ADAMTS18: variants seen among roughly 807,000 people sequenced by gnomAD.
ADAMTS18 encodes the protein ADAM metallopeptidase with thrombospondin type 1 motif 18, also known as A disintegrin and metalloproteinase with thrombospondin motifs 18.
In ADAMTS18, 157 loss-of-function variants were observed where a neutral mutation model predicts 165.9. That is an observed-to-expected ratio of 0.95 (90% CI 0.83 to 1.08). The LOEUF is 1.08. ADAMTS18 is among the 50% of genes least tolerant of loss of function. The pLI, the probability that ADAMTS18 is intolerant of heterozygous loss-of-function variation, is 0.00. For synonymous variants in ADAMTS18, 782 were observed against 578.2 expected, an observed-to-expected ratio of 1.35 and a Z score of -5.06; for missense variants, 2,040 against 1,534.0, an observed-to-expected ratio of 1.33 and a Z score of -5.51.
chr16:77,325,767 A>G (rs2056083537), intron 13 of ADAMTS18, 99 bp downstream of exon 13: 4 of 1,282,408 alleles, frequency 3.1e-6, no homozygotes, highest in Non-Finnish European at 4.4e-6. Flanking sequence ...AAAGGTAAAC[A>G]TTCAAACTCT....
chr16:77,322,341 A>T lies in ADAMTS18; in HGVS notation c.2158T>A (p.Cys720Ser), dbSNP rs2056015899. Residue 720 changes from cysteine to serine, a missense_variant, in exon 14 of 23, where the codon TGT becomes AGT. Physicochemically the swap from Cys to Ser is moderately radical, Grantham distance 112. Coordinates refer to ENST00000282849, the MANE Select transcript of ADAMTS18 (RefSeq NM_199355.4). ...NKNDVCIDGV[C>S]ELVGCDHELG... ...AAGCAGAAACGTTCTCTTACTTCAC[A>T]AACCCCGTCAATACAAACATCATTT... is the stretch of plus-strand genomic sequence containing the variant. 3 of 1,613,802 alleles carry T rather than the reference A, an allele frequency of 1.9e-6. No homozygotes were observed. Among genetic ancestry groups the T allele is most frequent in the African/African-American group, 2.7e-5 (2 of 74,882 alleles).
At chr16:77,404,385 A>T (rs554584106) in intron 3 of ADAMTS18, among the ~76,000 whole-genome samples, 66 of 152,202 alleles carry the variant, frequency 4.3e-4, no homozygotes, top group Non-Finnish European at 7.5e-4. Context: ...TTGAGTGCAA[A>T]CCTCAATTCC....
intron 11 of ADAMTS18, among the ~76,000 whole-genome samples, chr16:77,339,938 C>G (rs1291984843): frequency 6.6e-6 from 1 of 152,126 alleles, no homozygotes; most frequent in Non-Finnish European, 1.5e-5. Flanking sequence ...TGATGTTGGC[C>G]TCTCTCTGAA....
intron 16 of ADAMTS18, among the ~76,000 whole-genome samples, chr16:77,313,597 A>G (rs924455190): frequency 2.0e-5 from 3 of 152,088 alleles, no homozygotes; most frequent in African/African-American, 2.4e-5. Context: ...GTTGCTTGTC[A>G]TGAAGCGGTA....
chr16:77,353,693 C>G, intron 10 of ADAMTS18, 40 bp downstream of exon 10: 1 of 1,613,900 alleles, frequency 6.2e-7, no homozygotes, highest in Non-Finnish European at 8.5e-7. Context: ...AGACACATTG[C>G]AGAGTCTTAA....
At position 77,431,562 on chromosome 16, in the gene ADAMTS18, A is replaced by G. The variant is rs2057741146; in HGVS notation, c.228T>C (p.Ile76=). Residue 76 remains isoleucine, a synonymous_variant, in exon 3 of 23, where the codon ATT becomes ATC. Coordinates refer to ENST00000282849, the MANE Select transcript of ADAMTS18 (RefSeq NM_199355.4). The part of the protein sequence containing the change: ...PVEVDSAGSY[I]SHDILHNGRK... The stretch of plus-strand genomic sequence containing the variant: ...TGCCGTTGTGCAAAATGTCGTGTGA[A>G]ATATATGACCCGGCTGAGTCTACTT... 6.2e-7 allele frequency: 1 copy of G among 1,614,166 alleles called. No homozygotes were observed. The highest frequency in any genetic ancestry group is 1.7e-5 in the Admixed American group (1 of 60,018).
At chr16:77,418,214 C>CA (rs1219201537) in intron 3 of ADAMTS18, among the ~76,000 whole-genome samples, 4 of 152,310 alleles carry the variant, frequency 2.6e-5, no homozygotes, top group Admixed American at 2.0e-4. Flanking sequence ...TACATAGTCT[C>CA]AGCAGCTAAG....
intron 10 of ADAMTS18, among the ~76,000 whole-genome samples, chr16:77,347,017 A>T (rs1049445295): frequency 6.6e-6 from 1 of 152,172 alleles, no homozygotes; most frequent in African/African-American, 2.4e-5. Context: ...CCAATAGGTG[A>T]GTGTTGCCTA....
intron 12 of ADAMTS18, among the ~76,000 whole-genome samples, chr16:77,327,346 C>A (rs2056113012): frequency 6.6e-6 from 1 of 152,176 alleles, no homozygotes. Context: ...TACCCTTTCC[C>A]TTGAGTTCCC....
At position 77,322,433 on chromosome 16, in the gene ADAMTS18, T is replaced by C. The variant is rs1190917031; in HGVS notation, c.2066A>G (p.Glu689Gly). ...CATTGCAAAAAAAAATTCAAAGTTCTCAGCCTTGCAGTACAGTTTGCATCG... is the reference window on the plus strand; with the variant it reads ...CATTGCAAAAAAAAATTCAAAGTTCCCAGCCTTGCAGTACAGTTTGCATCG... Reference protein sequence around the residue: ...EDRCKLYCKAENFEFFFAMSG... With the variant: ...EDRCKLYCKAGNFEFFFAMSG... The change falls in exon 14 of 23, where the codon GAG becomes GGG. Residue 689 changes from glutamate to glycine, a missense_variant. By Grantham distance (98) the Glu-to-Gly change is moderately conservative (BLOSUM62 -2). Transcript: ENST00000282849. The C allele has an allele frequency of 1.9e-6, 3 of 1,614,062 alleles. No homozygotes were observed. Among genetic ancestry groups the C allele is most frequent in the Non-Finnish European group, 2.5e-6 (3 of 1,179,958 alleles).
At chr16:77,378,750 A>G (rs1321655652) in intron 3 of ADAMTS18, 1 of 152,098 alleles carries the variant, frequency 6.6e-6, no homozygotes, top group Non-Finnish European at 1.5e-5. Context: ...TAAAAGTGCT[A>G]AAAATAGTGC....
intron 3 of ADAMTS18, among the ~76,000 whole-genome samples, chr16:77,373,995 G>T (rs1414902703): frequency 6.6e-6 from 1 of 152,130 alleles, no homozygotes; most frequent in Admixed American, 6.5e-5. Context: ...AAGGAGTGCA[G>T]ATCACGTGAG....
intron 20 of ADAMTS18, among the ~76,000 whole-genome samples, chr16:77,292,734 G>A (rs754878869): frequency 6.6e-6 from 1 of 152,208 alleles, no homozygotes; most frequent in Admixed American, 6.5e-5. Context: ...GGAAGTAGCA[G>A]GCATTTGGTA....
chr16:77,348,852 C>T (rs2056514657), intron 10 of ADAMTS18, among the ~76,000 whole-genome samples: 1 of 152,086 alleles, frequency 6.6e-6, no homozygotes, highest in African/African-American at 2.4e-5. Flanking sequence ...AAGGAGGTAA[C>T]ACTTGAATTG....
chr16:77,411,958 G>A (rs898907546), intron 3 of ADAMTS18, among the ~76,000 whole-genome samples: 2 of 151,918 alleles, frequency 1.3e-5, no homozygotes, highest in African/African-American at 2.4e-5. Context: ...AAAGCACTGG[G>A]ATTACAGGCA....
Position 77,328,646 on chromosome 16 carries a change from T to C in ADAMTS18, c.1860-2608A>G, listed in dbSNP as rs191901697. Among the ~76,000 whole-genome samples the C allele has an allele frequency of 3.2e-3, 487 of 152,340 alleles. 2 individuals are homozygous for C. Among genetic ancestry groups the C allele is most frequent in the South Asian group, 9.5e-3 (46 of 4,824 alleles). ...AGCACTTAGAAAAATCTTTAAGTGC[T>C]ATATCATAGCCTCAATATTCCGGTC... On this transcript the variant is annotated intron_variant, in intron 12 of 22. Transcript: ENST00000282849.
chr16:77,396,378 C>T (rs575953813), intron 3 of ADAMTS18, among the ~76,000 whole-genome samples: 1 of 152,180 alleles, frequency 6.6e-6, no homozygotes, highest in Non-Finnish European at 1.5e-5. Context: ...TAAAACAGAT[C>T]ACAGCCTTTC....
intron 16 of ADAMTS18, among the ~76,000 whole-genome samples, chr16:77,314,894 C>T (rs1264599150): frequency 2.0e-5 from 3 of 147,462 alleles, no homozygotes; most frequent in Non-Finnish European, 1.5e-5. Context: ...CTCATCATGG[C>T]CCTAATAATT....
intron 22 of ADAMTS18, among the ~76,000 whole-genome samples, chr16:77,285,657 A>C (rs1487280071): frequency 6.6e-6 from 1 of 152,218 alleles, no homozygotes; most frequent in Non-Finnish European, 1.5e-5. Context: ...CTATTCTGTC[A>C]GTATAAGTGC....
Sources: allele counts gnomAD v4.1 joint callset (sites outside exome capture counted in the v4.1 genomes callset), GRCh38; gene constraint gnomAD v4.1.1; transcripts MANE v1.5; gene names NCBI Gene and HGNC (gene_info 2026-07-23, HGNC 2026-07-21).